DCAF15: variants seen among roughly 807,000 people sequenced by gnomAD.
DCAF15 encodes the protein DDB1 and CUL4 associated factor 15.
Under a neutral mutation model 68.0 loss-of-function variants are expected in DCAF15, and 24 were observed. The observed-to-expected ratio is 0.35, with a 90% CI of 0.26 to 0.50. The LOEUF is 0.50. Ranked by LOEUF, DCAF15 falls within the 20% of genes least tolerant of loss-of-function variation. The probability of loss-of-function intolerance (pLI) is 0.98; values close to 1 mark genes in which losing one functional copy is unlikely to be tolerated. For missense variants in DCAF15, 627 were observed against 830.6 expected (o/e 0.75, Z 3.01); for synonymous variants, 376 against 341.6 (o/e 1.10, Z -1.11).
chr19:13,960,805 G>A (rs1973596033), intron 12 of DCAF15, 135 bp from the exon 13 acceptor site: 3 of 1,138,528 alleles, frequency 2.6e-6, no homozygotes, highest in Admixed American at 4.0e-5. Flanking sequence ...GTAGCTGCAG[G>A]CTAGAGGTGG....
chr19:13,959,022 T>C, intron 6 of DCAF15, 23 bp from the exon 7 acceptor site: 1 of 1,559,714 alleles, frequency 6.4e-7, no homozygotes, highest in Non-Finnish European at 8.7e-7. Context: ...GACTGACACT[T>C]CTCCACCCCC....
At position 13,961,047 on chromosome 19, in the gene DCAF15, G is replaced by C. The variant is rs1039946043; in HGVS notation, c.*52G>C. 6.2e-7 allele frequency: 1 copy of C among 1,608,676 alleles called. No homozygotes were observed. The highest frequency in any genetic ancestry group is 1.7e-5 in the Admixed American group (1 of 59,972). ...CCAACTACCTCCGTGGCCTGGGACCGGCCCCCTTCCTGGGGTGGCCTCTTC... is the reference window on the plus strand; with the variant it reads ...CCAACTACCTCCGTGGCCTGGGACCCGCCCCCTTCCTGGGGTGGCCTCTTC... On this transcript the variant is annotated 3_prime_UTR_variant, in exon 13 of 13. Transcript: ENST00000254337.
In DCAF15 at chr19:13,959,652, G is replaced by A; in HGVS notation, c.1290G>A (p.Met430Ile). 6.2e-7 allele frequency: 1 copy of A among 1,613,338 alleles called. No individual in the cohort carries two copies. Among genetic ancestry groups the A allele is most frequent in the South Asian group, 1.1e-5 (1 of 91,090 alleles). ...TDLRGRNLRP[M>I]RERTAVQGQY... ...TTCGTGGCCGCAACCTGCGGCCCAT[G>A]CGGGAGCGGACTGCTGTCCAGGTGG... The change falls in exon 8 of 13, where the codon ATG becomes ATA. Residue 430 changes from methionine (M) to isoleucine (I), a missense_variant. Met to Ile is a conservative substitution (Grantham distance 10, BLOSUM62 1). Transcript: ENST00000254337.
Position 13,952,522 on chromosome 19 carries a change from A to G in DCAF15, c.10A>G (p.Ser4Gly), listed in dbSNP as rs961356001. The change falls in exon 1 of 13, where the codon AGC becomes GGC. Residue 4 changes from serine (S) to glycine (G), a missense_variant. Around this residue, in one of 3 missense-constraint regions of DCAF15, gnomAD observed 273 missense variants for 393.7 expected, o/e 0.69. Transcript: ENST00000254337. MAP[S>G]SKSERNSGAG... is the part of the protein sequence containing the mutation. ...GAGGGAGGGGGTGAAAATGGCGCCC[A>G]GCTCGAAATCGGAGCGGAACAGCGG... 4.0e-6 allele frequency: 5 copies of G among 1,250,322 alleles called. No individual in the cohort carries two copies. Among genetic ancestry groups the G allele is most frequent in the Non-Finnish European group, 1.0e-6 (1 of 990,502 alleles). The allele number at this position is 1,250,322 out of a possible 1,614,324, so 77.5% of individuals were successfully genotyped here.
At chr19:13,956,651 G>A in intron 6 of DCAF15, 129 bp downstream of exon 6, 1 of 1,111,126 alleles carries the variant, frequency 9.0e-7, no homozygotes, top group Non-Finnish European at 1.3e-6. Flanking sequence ...CAGCCTGGTT[G>A]TGGGAATGCT....
At chr19:13,954,173 C>T (rs1484386891) in intron 1 of DCAF15, among the ~76,000 whole-genome samples, 167 bp from the exon 2 acceptor site, 1 of 152,204 alleles carries the variant, frequency 6.6e-6, no homozygotes, top group Non-Finnish European at 1.5e-5. Flanking sequence ...TTTACTGTCC[C>T]CATCTGCCTC....
At chr19:13,955,502 G>A (rs958288931) in intron 3 of DCAF15, among the ~76,000 whole-genome samples, 4 of 152,222 alleles carry the variant, frequency 2.6e-5, no homozygotes, top group Admixed American at 6.5e-5. Flanking sequence ...CTATGAAGCT[G>A]TAGAACATGT....
rs1193711790 is a variant in DCAF15, at chr19:13,952,993, G to A, written c.132+349G>A. 11 of 1,132,376 alleles carry A rather than the reference G, an allele frequency of 9.7e-6. No homozygotes were observed. The Admixed American group carries it at 2.3e-4, about 24-fold the overall frequency. The allele number at this position is 1,132,376 out of a possible 1,614,324, so 70.1% of individuals were successfully genotyped here. On this transcript the variant is annotated intron_variant, in intron 1 of 12. Coordinates refer to ENST00000254337, the MANE Select transcript of DCAF15 (RefSeq NM_138353.4). Reference sequence around the variant, plus strand: ...GGCTTTTCAAAGCTCTGCTCCCATGGTTGCTCCATAATGGAACCTTCCCGC... The same window carrying A: ...GGCTTTTCAAAGCTCTGCTCCCATGATTGCTCCATAATGGAACCTTCCCGC...
At chr19:13,960,429 A>G (rs1416024273) in intron 11 of DCAF15, 36 bp from the exon 12 acceptor site, 3 of 1,612,638 alleles carry the variant, frequency 1.9e-6, no homozygotes, top group Non-Finnish European at 2.5e-6. Flanking sequence ...GGGCGCGGCC[A>G]AGGCGACGAG....
In DCAF15 at chr19:13,956,314, G is replaced by A. The variant is rs200546137; in HGVS notation, c.614-38G>A. On this transcript the variant is annotated intron_variant, in intron 5 of 12. Coordinates refer to ENST00000254337, the MANE Select transcript of DCAF15 (RefSeq NM_138353.4). ...TCTTCCCCCCTCCCCCCCTTGCTCC[G>A]GGCCGAGAGTGAGCTGCTGTGGCGT... The A allele has an allele frequency of 4.6e-5, 74 of 1,611,892 alleles. No individual in the cohort carries two copies. In the Middle Eastern group the frequency reaches 5.0e-4, roughly 11 times the overall value.
chr19:13,956,630 C>T, intron 6 of DCAF15, 108 bp downstream of exon 6: 3 of 1,269,718 alleles, frequency 2.4e-6, no homozygotes, highest in Middle Eastern at 2.5e-4. Context: ...GAGCTACTTC[C>T]CCAAGTCACA....
Position 13,959,420 on chromosome 19 carries a change from TCAA to T in DCAF15, c.1162_1164del (p.Asn388del). On this transcript the variant is annotated inframe_deletion, in exon 7 of 13. Transcript: ENST00000254337. ...GCACCTGCCTCCGAGCCTGGCTATG[TCAA>T]CTACACCAAGCTGTACTATGTGCTG... 6.2e-7 allele frequency: 1 copy of T among 1,609,034 alleles called. No homozygotes were observed. Among genetic ancestry groups the T allele is most frequent in the Non-Finnish European group, 8.5e-7 (1 of 1,179,812 alleles).
chr19:13,955,868 C>T (rs749174376), intron 3 of DCAF15, 44 bp from the exon 4 acceptor site: 32 of 1,602,280 alleles, frequency 2.0e-5, no homozygotes, highest in South Asian at 1.1e-4. Flanking sequence ...GGGGGACCTC[C>T]GCAGTTTCCC....
At chr19:13,955,485 A>T (rs190263288) in intron 3 of DCAF15, among the ~76,000 whole-genome samples, 2 of 152,350 alleles carry the variant, frequency 1.3e-5, no homozygotes, top group African/African-American at 4.8e-5. Flanking sequence ...ATTTGGTTCA[A>T]CACACCCTAT....
chr19:13,960,825 C>T (rs1408888145), intron 12 of DCAF15, 115 bp from the exon 13 acceptor site: 1 of 1,364,984 alleles, frequency 7.3e-7, no homozygotes, highest in Admixed American at 1.8e-5. Flanking sequence ...GAGGGCAACT[C>T]AGCAGGGTCC....
chr19:13,953,039 C>T (rs1268271796), intron 1 of DCAF15: 5 of 1,485,458 alleles, frequency 3.4e-6, no homozygotes, highest in Non-Finnish European at 4.6e-6. Context: ...GAGCCCCTGC[C>T]GCTGGCTTTG....
Position 13,959,651 on chromosome 19 carries a change from T to C in DCAF15, c.1289T>C (p.Met430Thr). 2 of 1,610,598 alleles carry C rather than the reference T, an allele frequency of 1.2e-6. No individual in the cohort carries two copies. Among genetic ancestry groups the C allele is most frequent in the Non-Finnish European group, 1.7e-6 (2 of 1,178,334 alleles). ...CTTCGTGGCCGCAACCTGCGGCCCA[T>C]GCGGGAGCGGACTGCTGTCCAGGTG... is the stretch of plus-strand genomic sequence containing the variant. The part of the protein sequence containing the change: ...TDLRGRNLRP[M>T]RERTAVQGQY... The change falls in exon 8 of 13, where the codon ATG (methionine) becomes ACG (threonine). Residue 430 changes from methionine (M) to threonine (T), a missense_variant. Met to Thr is a moderately conservative substitution (Grantham distance 81). Transcript: ENST00000254337.
chr19:13,959,905 G>GGGCGGGCAGGGTGGGCCCAC lies in DCAF15; in HGVS notation c.1440+29_1440+30insCGGCGGGCAGGGTGGGCCCA. ...CATCGTCATTCTGGAGGTGGGCCCAGGGCGGGCAGGGTGGGCCCAGGGCCT... is the reference window on the plus strand; with the variant it reads ...CATCGTCATTCTGGAGGTGGGCCCAGGGCGGGCAGGGTGGGCCCACGGCGGGCAGGGTGGGCCCAGGGCCT... On this transcript the variant is annotated intron_variant, in intron 9 of 12. Coordinates refer to ENST00000254337, the MANE Select transcript of DCAF15 (RefSeq NM_138353.4). 1 of 1,612,236 alleles carries GGGCGGGCAGGGTGGGCCCAC rather than the reference G, an allele frequency of 6.2e-7. No individual in the cohort carries two copies. Among genetic ancestry groups the GGGCGGGCAGGGTGGGCCCAC allele is most frequent in the Non-Finnish European group, 8.5e-7 (1 of 1,178,548 alleles).
At chr19:13,956,087 C>T (rs759179100) in intron 4 of DCAF15, 36 bp from the exon 5 acceptor site, 15 of 1,610,096 alleles carry the variant, frequency 9.3e-6, no homozygotes, top group South Asian at 5.5e-5. Context: ...GCCCCCCAGG[C>T]GCCGACCAGG....
Sources: allele counts gnomAD v4.1 joint callset (sites outside exome capture counted in the v4.1 genomes callset), GRCh38; gene constraint gnomAD v4.1.1; regional missense constraint gnomAD v4.1.1; transcripts MANE v1.5; gene names NCBI Gene and HGNC (gene_info 2026-07-23, HGNC 2026-07-21).